Variants in PHTF2 observed in about 807,000 individuals in gnomAD.
PHTF2 encodes the protein putative homeodomain transcription factor 2.
PHTF2 carries 60 observed loss-of-function variants against 101.2 expected under a neutral mutation model. The observed-to-expected ratio is 0.59, with a 90% CI of 0.48 to 0.73. The LOEUF is 0.73. Ranked by LOEUF, PHTF2 falls within the 30% of genes least tolerant of loss-of-function variation. The probability of loss-of-function intolerance (pLI) is 0.00; values close to 1 mark genes in which losing one functional copy is unlikely to be tolerated. For missense variants in PHTF2, 747 were observed against 908.7 expected (o/e 0.82, Z 2.29); for synonymous variants, 311 against 307.3 (o/e 1.01, Z -0.13).
Position 77,953,902 on chromosome 7 carries a change from G to A in PHTF2, c.2337+8G>A. ...CTTGGATTTAATTTAAAGGTAAGAG[G>A]TTGCAAGTACTTTTTATTTCTTAGT... On this transcript the variant is annotated splice_region_variant and intron_variant, in intron 19 of 19. Transcript: ENST00000416283. 1 of 1,612,462 alleles carries A rather than the reference G, an allele frequency of 6.2e-7. No homozygotes were observed. The highest frequency in any genetic ancestry group is 8.5e-7 in the Non-Finnish European group (1 of 1,179,166).
rs901652294 is a variant in PHTF2, at chr7:77,902,725, A to T, written c.445+805A>T. Among the ~76,000 whole-genome samples the T allele has an allele frequency of 7.2e-5, 11 of 152,204 alleles. 1 individual carries two copies. Among genetic ancestry groups the T allele is most frequent in the African/African-American group, 1.7e-4 (7 of 41,452 alleles). Reference sequence around the variant, plus strand: ...GTCTTTTTAATATGTGATTAAAAAAAAAAACCATGATTACAATCCTGAATG... The same window carrying T: ...GTCTTTTTAATATGTGATTAAAAAATAAAACCATGATTACAATCCTGAATG... On this transcript the variant is annotated intron_variant, in intron 7 of 19. Coordinates refer to ENST00000416283, the Ensembl canonical transcript of PHTF2.
intron 9 of PHTF2, among the ~76,000 whole-genome samples, chr7:77,918,354 T>G (rs1263626740): frequency 2.0e-5 from 3 of 152,156 alleles, no homozygotes; most frequent in Admixed American, 2.0e-4. Flanking sequence ...TGTTCCATCT[T>G]TCTTCCTAAA....
intron 3 of PHTF2, among the ~76,000 whole-genome samples, chr7:77,887,197 A>G (rs957942394): frequency 6.6e-6 from 1 of 152,134 alleles, no homozygotes; most frequent in African/African-American, 2.4e-5. Flanking sequence ...TATATTTAAT[A>G]TAGCATATTA....
intron 12 of PHTF2, among the ~76,000 whole-genome samples, chr7:77,935,353 C>G (rs948362549): frequency 4.6e-5 from 7 of 151,098 alleles, no homozygotes; most frequent in African/African-American, 1.7e-4. Flanking sequence ...CTCCCCAGTA[C>G]CTGGGACTAC....
intron 1 of PHTF2, among the ~76,000 whole-genome samples, chr7:77,834,767 CT>C (rs938556039): frequency 2.6e-5 from 4 of 152,128 alleles, no homozygotes; most frequent in Non-Finnish European, 5.9e-5. Context: ...TTAGTCATTG[CT>C]TTTTATCTGC....
At chr7:77,927,181 T>A (rs868065009) in intron 11 of PHTF2, among the ~76,000 whole-genome samples, 705 of 61,168 alleles carry the variant, frequency 0.012, 8 homozygotes, top group African/African-American at 0.028. Flanking sequence ...AAAAAAAATA[T>A]ATATATATAT....
chr7:77,816,114 G>T (rs544090779), intron 1 of PHTF2, among the ~76,000 whole-genome samples: 6 of 151,188 alleles, frequency 4.0e-5, no homozygotes, highest in Non-Finnish European at 8.8e-5. Context: ...ATGATCTGTC[G>T]CCCAGGCTGA....
exon 9 of PHTF2, chr7:77,910,367 C>A: frequency 6.2e-7 from 1 of 1,613,754 alleles, no homozygotes; most frequent in South Asian, 1.1e-5. Context: ...AGCGTTGGCA[C>A]TGTCTTCAGA....
At chr7:77,886,632 T>C (rs375158347) in intron 3 of PHTF2, among the ~76,000 whole-genome samples, 69 of 152,304 alleles carry the variant, frequency 4.5e-4, no homozygotes, top group African/African-American at 1.6e-3. Context: ...CTAGTTACTA[T>C]GGAATATATT....
chr7:77,912,167 C>T (rs775655805), intron 9 of PHTF2, among the ~76,000 whole-genome samples: 3 of 152,196 alleles, frequency 2.0e-5, no homozygotes, highest in Non-Finnish European at 4.4e-5. Flanking sequence ...AGCAGCATGA[C>T]CATGATCATG....
intron 1 of PHTF2, among the ~76,000 whole-genome samples, chr7:77,827,713 G>A (rs1454621488): frequency 6.6e-6 from 1 of 151,676 alleles, no homozygotes; most frequent in Non-Finnish European, 1.5e-5. Flanking sequence ...TGTGACCGCA[G>A]CTCACTGTCT....
chr7:77,812,236 AGAAAT>A (rs978738900), intron 1 of PHTF2, among the ~76,000 whole-genome samples: 20 of 152,356 alleles, frequency 1.3e-4, no homozygotes, highest in Admixed American at 1.2e-3. Flanking sequence ...TTGAGGCAGA[AGAAAT>A]GACACACATT....
intron 1 of PHTF2, among the ~76,000 whole-genome samples, chr7:77,805,064 G>A (rs1300860172): frequency 6.6e-6 from 1 of 152,138 alleles, no homozygotes; most frequent in Admixed American, 6.5e-5. Flanking sequence ...TTTCTTTGTG[G>A]GGAGGATTTT....
intron 3 of PHTF2, among the ~76,000 whole-genome samples, chr7:77,863,633 A>T: frequency 6.6e-6 from 1 of 151,606 alleles, no homozygotes; most frequent in South Asian, 2.1e-4. Context: ...GCTAAAGTTT[A>T]TTACACATGG....
chr7:77,884,763 G>T (rs1165338886), intron 3 of PHTF2, among the ~76,000 whole-genome samples: 1 of 152,170 alleles, frequency 6.6e-6, no homozygotes, highest in Non-Finnish European at 1.5e-5. Context: ...GCCGGATGTG[G>T]TGGTGGGCAC....
intron 1 of PHTF2, among the ~76,000 whole-genome samples, chr7:77,830,751 T>C (rs1795018322): frequency 6.6e-6 from 1 of 152,082 alleles, no homozygotes; most frequent in African/African-American, 2.4e-5. Context: ...TGTCAGTGAG[T>C]TGAGTGCTTC....
rs183273302 is a variant in PHTF2, at chr7:77,850,931, G to A, written c.46-3802G>A. On this transcript the variant is annotated intron_variant, in intron 2 of 19. Coordinates refer to ENST00000416283, the Ensembl canonical transcript of PHTF2. ...TATGATGTATGACATTGATTCATTT[G>A]CATATGTTGAACCATCATGCATCCA... is the stretch of plus-strand genomic sequence containing the variant. Among the ~76,000 whole-genome samples, 402 of 152,176 alleles carry A rather than the reference G, an allele frequency of 2.6e-3. 1 individual carries two copies. Among genetic ancestry groups the A allele is most frequent in the Non-Finnish European group, 4.6e-3 (312 of 67,998 alleles).
At chr7:77,934,385 A>T (rs9641306) in intron 12 of PHTF2, among the ~76,000 whole-genome samples, 15,716 of 152,228 alleles carry the variant, frequency 0.1, 1,118 homozygotes, top group African/African-American at 0.19. Flanking sequence ...TTCAGCTGAA[A>T]TTCAGTTTTT....
At chr7:77,934,157 C>T (rs1804869603) in intron 12 of PHTF2, among the ~76,000 whole-genome samples, 1 of 152,068 alleles carries the variant, frequency 6.6e-6, no homozygotes, top group African/African-American at 2.4e-5. Context: ...GTTTGGAAGA[C>T]CTTTTTCTGT....
Sources: gnomAD v4.1 joint callset for allele counts (sites outside exome capture counted in the v4.1 genomes callset) on GRCh38, gnomAD v4.1.1 for gene constraint, MANE v1.5 for transcripts, NCBI Gene and HGNC (gene_info 2026-07-23, HGNC 2026-07-21) for gene names.